The following GLRA2 variants were observed in gnomAD, a reference collection of about 807,000 sequenced individuals.
The protein encoded by GLRA2 is glycine receptor alpha 2.
A neutral mutation model predicts 31.6 loss-of-function variants in GLRA2; 11 were observed. The observed-to-expected ratio is 0.35, with a 90% CI of 0.22 to 0.58. The LOEUF (loss-of-function observed/expected upper bound fraction) is 0.58. Ranked by LOEUF, GLRA2 falls within the 20% of genes least tolerant of loss-of-function variation. GLRA2 has a pLI of 0.84. For synonymous variants in GLRA2, 132 were observed against 134.0 expected (o/e 0.99, Z 0.10); for missense variants, 212 against 351.8 (o/e 0.60, Z 3.18).
intron 8 of GLRA2, 95 bp from the exon 9 acceptor site, chrX:14,730,112 T>G: frequency 3.1e-6 from 2 of 655,427 alleles, no homozygotes; most frequent in East Asian, 6.4e-5. Context: ...ACCAGTTAAC[T>G]GTGATTTATC....
chrX:14,518,641 C>CTG, the GLRA2 span, among the ~76,000 whole-genome samples: 5 of 109,375 alleles, frequency 4.6e-5, no homozygotes, highest in Non-Finnish European at 7.6e-5. Context: ...AGAAATTAAA[C>CTG]TGTGTGTGTG....
intron 8 of GLRA2, among the ~76,000 whole-genome samples, chrX:14,712,332 C>G (rs1320018626): frequency 8.9e-6 from 1 of 111,810 alleles, no homozygotes; most frequent in African/African-American, 3.3e-5. Context: ...CAAAATGTCT[C>G]CAGACATTGC....
At chrX:14,618,204 T>C (rs372809449) in intron 7 of GLRA2, among the ~76,000 whole-genome samples, 1 of 112,052 alleles carries the variant, frequency 8.9e-6, no homozygotes, top group East Asian at 2.8e-4. Flanking sequence ...GAAGCCTCAA[T>C]TAGGCAATTG....
chrX:14,530,335 T>C (rs1481276278), intron 1 of GLRA2, among the ~76,000 whole-genome samples: 1 of 112,017 alleles, frequency 8.9e-6, no homozygotes, highest in East Asian at 2.8e-4. Flanking sequence ...CCGCACTCTA[T>C]GCAATTCAAC....
the GLRA2 span, among the ~76,000 whole-genome samples, chrX:14,473,912 T>C: frequency 2.7e-5 from 3 of 111,953 alleles, no homozygotes; most frequent in Non-Finnish European, 3.8e-5. Flanking sequence ...TGGGGGGAAA[T>C]TGACGTGAAC....
chrX:14,626,991 G>C (rs2090596210), intron 7 of GLRA2, among the ~76,000 whole-genome samples: 1 of 111,473 alleles, frequency 9.0e-6, no homozygotes, highest in African/African-American at 3.3e-5. Flanking sequence ...TAGCGATTGA[G>C]AGGGACCATG....
intron 7 of GLRA2, among the ~76,000 whole-genome samples, chrX:14,685,987 G>A (rs2091272612): frequency 8.9e-6 from 1 of 111,750 alleles, no homozygotes; most frequent in African/African-American, 3.3e-5. Context: ...CTTTAAATGT[G>A]TCCCAGAGAT....
chrX:14,577,983 A>G (rs769325173), intron 3 of GLRA2, among the ~76,000 whole-genome samples: 3 of 111,874 alleles, frequency 2.7e-5, no homozygotes, highest in Non-Finnish European at 3.8e-5. Context: ...CTTTATGCAC[A>G]GTGATGAGGT....
intron 7 of GLRA2, among the ~76,000 whole-genome samples, chrX:14,612,155 A>G (rs12388022): frequency 0.28 from 30,722 of 111,024 alleles, 3,160 homozygotes; most frequent in Non-Finnish European, 0.31. Flanking sequence ...CCATCAAAAA[A>G]TGGGCAAAGG....
chrX:14,536,193 A>G (rs774253963), intron 2 of GLRA2, among the ~76,000 whole-genome samples: 1 of 112,164 alleles, frequency 8.9e-6, no homozygotes, highest in South Asian at 3.7e-4. Context: ...CCAAAGAGCT[A>G]GCAGTTCAAG....
At chrX:14,618,448 A>G (rs1297442982) in intron 7 of GLRA2, among the ~76,000 whole-genome samples, 1 of 112,128 alleles carries the variant, frequency 8.9e-6, no homozygotes, top group Admixed American at 9.5e-5. Context: ...AAACAGAGAT[A>G]TAGTATGGTA....
the GLRA2 span, among the ~76,000 whole-genome samples, chrX:14,497,382 A>C: frequency 8.9e-6 from 1 of 112,268 alleles, no homozygotes; most frequent in Non-Finnish European, 1.9e-5. Context: ...AAAGCTCAGA[A>C]AGGAATTTAT....
chrX:14,643,233 T>C (rs777355765), intron 7 of GLRA2, among the ~76,000 whole-genome samples: 13 of 112,014 alleles, frequency 1.2e-4, no homozygotes, highest in Non-Finnish European at 2.1e-4. Context: ...AGCTGGTTGA[T>C]GCATTGAATT....
chrX:14,665,067 C>T (rs920904386), intron 7 of GLRA2, among the ~76,000 whole-genome samples: 1 of 111,684 alleles, frequency 9.0e-6, no homozygotes, highest in African/African-American at 3.3e-5. Flanking sequence ...TCTGAAGACA[C>T]CACTAATCTC....
At position 14,731,168 on chromosome X, in the gene GLRA2, T is replaced by C. The variant is rs1190134457; in HGVS notation, c.*683T>C. 8.9e-6 allele frequency: 1 copy of C among 112,247 alleles called. No homozygotes were observed. Among genetic ancestry groups the C allele is most frequent in the Non-Finnish European group, 1.9e-5 (1 of 53,274 alleles). The allele number at this position is 112,247 out of a possible 1,213,427, so 9.3% of individuals were successfully genotyped here. A position where few individuals can be genotyped will look rare whatever the true frequency, so the allele number is the denominator to read the frequency against. ...ATAACAATGACAAAATAAACACCAATGACAGAAAAATTTCTACTTTACTGT... is the reference window on the plus strand; with the variant it reads ...ATAACAATGACAAAATAAACACCAACGACAGAAAAATTTCTACTTTACTGT... On this transcript the variant is annotated 3_prime_UTR_variant, in exon 9 of 9. Transcript: ENST00000218075.
chrX:14,625,133 G>T (rs1004938798), intron 7 of GLRA2, among the ~76,000 whole-genome samples: 19 of 110,904 alleles, frequency 1.7e-4, no homozygotes, highest in African/African-American at 6.2e-4. Context: ...ATATTTGTTG[G>T]TTGAAATTTT....
the GLRA2 span, among the ~76,000 whole-genome samples, chrX:14,504,338 G>A: frequency 8.9e-6 from 1 of 112,052 alleles, no homozygotes; most frequent in Non-Finnish European, 1.9e-5. Flanking sequence ...CATCCCTTGA[G>A]CACTGAGATC....
chrX:14,649,430 G>A (rs1187593644), intron 7 of GLRA2, among the ~76,000 whole-genome samples: 1 of 110,816 alleles, frequency 9.0e-6, no homozygotes, highest in Non-Finnish European at 1.9e-5. Flanking sequence ...TGAACTTTAA[G>A]AGTATAAGGA....
chrX:14,568,500 C>T (rs1173499551), intron 2 of GLRA2, among the ~76,000 whole-genome samples: 1 of 109,680 alleles, frequency 9.1e-6, no homozygotes, highest in African/African-American at 3.3e-5. Flanking sequence ...CGAGACCAAC[C>T]TGACCAACAT....
Sources: allele counts gnomAD v4.1 joint callset (sites outside exome capture counted in the v4.1 genomes callset), GRCh38; gene constraint gnomAD v4.1.1; transcripts MANE v1.5; gene names NCBI Gene and HGNC (gene_info 2026-07-23, HGNC 2026-07-21).